PCDH15: variants seen among roughly 807,000 people sequenced by gnomAD.
PCDH15 encodes the protein protocadherin-15.
In PCDH15, 129 loss-of-function variants were observed where a neutral mutation model predicts 178.5. That is an observed-to-expected ratio of 0.72 (90% confidence interval 0.63 to 0.84). The LOEUF is 0.84. Among genes scored for constraint, PCDH15 ranks in the 40% least tolerant of loss-of-function variants. The pLI is 0.00. For missense variants in PCDH15, 2,230 were observed against 2,099.9 expected, an observed-to-expected ratio of 1.06 and a Z score of -1.21; for synonymous variants, 800 against 732.0, an observed-to-expected ratio of 1.09 and a Z score of -1.50.
intron 8 of PCDH15, among the ~76,000 whole-genome samples, chr10:54,266,438 G>T (rs1466507840): frequency 6.6e-6 from 1 of 151,526 alleles, no homozygotes; most frequent in Non-Finnish European, 1.5e-5. Flanking sequence ...TATAGCATAA[G>T]AAAATAAATA....
At chr10:55,459,363 T>C (rs1839623156) in intron 2 of PCDH15, among the ~76,000 whole-genome samples, 2 of 152,034 alleles carry the variant, frequency 1.3e-5, no homozygotes, top group Non-Finnish European at 2.9e-5. Context: ...AAAATGCAGT[T>C]TTCTCCCGCT....
chr10:53,891,945 G>A (rs544885400), intron 26 of PCDH15, among the ~76,000 whole-genome samples: 10 of 151,674 alleles, frequency 6.6e-5, no homozygotes, highest in Non-Finnish European at 1.5e-4. Context: ...CTCCACCCTG[G>A]GTGACAGAGC....
chr10:55,576,862 C>A (rs1437214300), intron 2 of PCDH15, among the ~76,000 whole-genome samples: 1 of 152,150 alleles, frequency 6.6e-6, no homozygotes, highest in Non-Finnish European at 1.5e-5. Context: ...AAAATAATTT[C>A]TCAAATTCAT....
chr10:55,446,069 C>G (rs892593136), intron 2 of PCDH15, among the ~76,000 whole-genome samples: 1 of 152,026 alleles, frequency 6.6e-6, no homozygotes, highest in African/African-American at 2.4e-5. Flanking sequence ...TGCCTGAGGC[C>G]ATCCAGTTTG....
chr10:53,823,878 T>C (rs2076489203), intron 32 of PCDH15: 2 of 440,772 alleles, frequency 4.5e-6, no homozygotes, highest in Non-Finnish European at 9.3e-6. Context: ...AGAATTAAAA[T>C]CACCAAGGAC....
At chr10:54,532,856 C>T (rs997633626) in intron 2 of PCDH15, among the ~76,000 whole-genome samples, 7 of 152,000 alleles carry the variant, frequency 4.6e-5, no homozygotes, top group Non-Finnish European at 1.0e-4. Flanking sequence ...CTGAGTACTC[C>T]AGTCTCCTCC....
At chr10:54,421,581 T>C (rs1460655812) in intron 3 of PCDH15, among the ~76,000 whole-genome samples, 1 of 144,646 alleles carries the variant, frequency 6.9e-6, no homozygotes, top group Non-Finnish European at 1.5e-5. Flanking sequence ...GCCTACAAAC[T>C]ACATACCTGC....
chr10:55,313,970 C>G (rs934968502), intron 1 of PCDH15, among the ~76,000 whole-genome samples: 3 of 151,922 alleles, frequency 2.0e-5, no homozygotes, highest in African/African-American at 7.3e-5. Context: ...CTTGTGGGAA[C>G]TTTTTCACAA....
intron 1 of PCDH15, among the ~76,000 whole-genome samples, chr10:54,718,203 T>C (rs1326494279): frequency 6.6e-6 from 1 of 150,852 alleles, no homozygotes; most frequent in Non-Finnish European, 1.5e-5. Context: ...ATGTCACATG[T>C]ATACATAGGT....
chr10:54,844,454 CT>C (rs1170414428), intron 3 of PCDH15, among the ~76,000 whole-genome samples: 1 of 151,904 alleles, frequency 6.6e-6, no homozygotes, highest in Admixed American at 6.6e-5. Context: ...CACATATATG[CT>C]TTCCCTCACT....
chr10:54,061,166 G>A (rs1378671953), intron 18 of PCDH15, among the ~76,000 whole-genome samples: 6 of 152,170 alleles, frequency 3.9e-5, no homozygotes, highest in Non-Finnish European at 8.8e-5. Flanking sequence ...GGGATCATCT[G>A]AGAGTTCTGC....
At chr10:54,639,600 T>C (rs1402833411) in intron 2 of PCDH15, among the ~76,000 whole-genome samples, 1 of 152,174 alleles carries the variant, frequency 6.6e-6, no homozygotes, top group Non-Finnish European at 1.5e-5. Context: ...AGTTACATAT[T>C]TGACATCACT....
Position 54,020,221 on chromosome 10 carries a change from C to A in PCDH15, c.2722G>T (p.Gly908Cys). The A allele has an allele frequency of 6.2e-7, 1 of 1,613,620 alleles. No individual in the cohort carries two copies. The highest frequency in any genetic ancestry group is 8.5e-7 in the Non-Finnish European group (1 of 1,179,716). Residue 908 changes from glycine (G) to cysteine (C), a missense_variant, in exon 20 of 38, where the codon GGT becomes TGT. Transcript: ENST00000644397. Reference sequence around the variant, plus strand: ...ACAATCACTGTGACAGTAGCAATACCAGGTGGCATTGTTCCATAAATATCA... The same window carrying A: ...ACAATCACTGTGACAGTAGCAATACAAGGTGGCATTGTTCCATAAATATCA... ...AFDIYGTMPP[G>C]IATVTVIVKD...
rs1301493972 is a variant in PCDH15 at position 53,832,542 on chromosome 10, A to C, written c.3984-1009T>G. On this transcript the variant is annotated intron_variant, in intron 29 of 37. Transcript: ENST00000644397. ...GTCCCATGATCTACAGACAGTCATA[A>C]TCACTTCTAACATCTTGGTATATTT... Among the ~76,000 whole-genome samples, 3 of 151,920 alleles carry C rather than the reference A, an allele frequency of 2.0e-5. No homozygotes were observed. In the East Asian group the frequency reaches 5.8e-4, roughly 29 times the overall value.
At chr10:55,079,280 A>C (rs1841981873) in intron 2 of PCDH15, among the ~76,000 whole-genome samples, 1 of 152,162 alleles carries the variant, frequency 6.6e-6, no homozygotes, top group Non-Finnish European at 1.5e-5. Flanking sequence ...TGTGAAGATG[A>C]ATCCATGTTT....
chr10:54,410,244 A>G (rs560453144), intron 3 of PCDH15, among the ~76,000 whole-genome samples: 1 of 152,246 alleles, frequency 6.6e-6, no homozygotes, highest in East Asian at 1.9e-4. Context: ...TTGCATATCT[A>G]GTTCTTATTC....
intron 22 of PCDH15, 119 bp downstream of exon 22, chr10:53,961,632 AT>A (rs1365516182): frequency 1.4e-6 from 1 of 726,536 alleles, no homozygotes; most frequent in Admixed American, 3.7e-5. Context: ...AAAAATTGTA[AT>A]TTAAAAAAAT....
intron 2 of PCDH15, among the ~76,000 whole-genome samples, chr10:54,568,026 C>G (rs546886887): frequency 2.9e-4 from 44 of 152,202 alleles, no homozygotes; most frequent in Middle Eastern, 3.4e-3. Context: ...AACCTTGGGC[C>G]CACTTGAGAA....
At chr10:55,607,414 C>A in intron 2 of PCDH15, among the ~76,000 whole-genome samples, 1 of 131,100 alleles carries the variant, frequency 7.6e-6, no homozygotes, top group Admixed American at 7.8e-5. Flanking sequence ...ACCCAAAGGA[C>A]TATAAATCAT....
Sources: allele counts gnomAD v4.1 joint callset (sites outside exome capture counted in the v4.1 genomes callset), GRCh38; gene constraint gnomAD v4.1.1; transcripts MANE v1.5; gene names NCBI Gene and HGNC (gene_info 2026-07-23, HGNC 2026-07-21).